The following GABRB1 variants were observed in gnomAD, a reference collection of about 807,000 sequenced individuals.
GABRB1 encodes gamma-aminobutyric acid type A receptor subunit beta1, also known as gamma-aminobutyric acid receptor subunit beta-1.
Under a neutral mutation model 51.6 loss-of-function variants are expected in GABRB1, and 17 were observed. That is an observed-to-expected ratio of 0.33 (90% CI 0.23 to 0.49). The LOEUF is 0.49. GABRB1 is among the 20% of genes least tolerant of loss of function. The pLI is 0.99. For synonymous variants in GABRB1, 247 were observed against 218.9 expected (o/e 1.13, Z -1.14); for missense variants, 410 against 600.6 (o/e 0.68, Z 3.32).
chr4:47,104,291 AT>A (rs1337090435), intron 3 of GABRB1, among the ~76,000 whole-genome samples: 1 of 151,614 alleles, frequency 6.6e-6, no homozygotes. Context: ...TCTGAATGTA[AT>A]TTTTTATTTG....
intron 4 of GABRB1, among the ~76,000 whole-genome samples, chr4:47,204,338 A>G (rs148485963): frequency 1.5e-3 from 232 of 152,270 alleles, no homozygotes; most frequent in South Asian, 3.5e-3. Flanking sequence ...AATTGGACAA[A>G]TGTTTTAACA....
intron 5 of GABRB1, among the ~76,000 whole-genome samples, chr4:47,361,478 C>T (rs778576268): frequency 2.8e-4 from 43 of 152,046 alleles, no homozygotes; most frequent in Admixed American, 6.6e-4. Flanking sequence ...GTAGAAGAGA[C>T]GGAGCAAAAT....
At chr4:46,995,260 TG>T (rs1404713519) in intron 1 of GABRB1, among the ~76,000 whole-genome samples, 1 of 152,220 alleles carries the variant, frequency 6.6e-6, no homozygotes, top group Non-Finnish European at 1.5e-5. Context: ...CTCTCTCGTT[TG>T]GGAAAAATAG....
rs971241280 is a variant in GABRB1 at position 47,333,719 on chromosome 4, AC to A, written c.544+13517del. ...AACCAGTGTGAAACATCATCACCCC[AC>A]CCCCCCAAAAAAAAGAATAGCTTGT... On this transcript the variant is annotated intron_variant, in intron 5 of 8. Coordinates refer to ENST00000295454, the MANE Select transcript of GABRB1 (RefSeq NM_000812.4). 1.1e-3 allele frequency among the ~76,000 whole-genome samples: 170 copies of A among 151,772 alleles called. 2 individuals carry two copies. Among genetic ancestry groups the A allele is most frequent in the Admixed American group, 3.3e-3 (50 of 15,210 alleles).
intron 5 of GABRB1, among the ~76,000 whole-genome samples, chr4:47,355,729 G>A (rs150497902): frequency 3.3e-5 from 5 of 152,158 alleles, no homozygotes; most frequent in Admixed American, 6.5e-5. Context: ...CACCATTAGC[G>A]CAGATATATC....
At chr4:47,189,585 T>C (rs932731515) in intron 4 of GABRB1, among the ~76,000 whole-genome samples, 5 of 151,896 alleles carry the variant, frequency 3.3e-5, no homozygotes, top group African/African-American at 1.2e-4. Context: ...TATTCTATCC[T>C]TATTGAGGGC....
At chr4:47,149,794 T>C (rs76606566) in intron 3 of GABRB1, among the ~76,000 whole-genome samples, 176 of 152,184 alleles carry the variant, frequency 1.2e-3, no homozygotes, top group African/African-American at 3.9e-3. Context: ...AAGACATTTC[T>C]AGAGTTTTCT....
intron 3 of GABRB1, among the ~76,000 whole-genome samples, chr4:47,054,233 C>A (rs1726489218): frequency 6.6e-6 from 1 of 151,938 alleles, no homozygotes; most frequent in African/African-American, 2.4e-5. Flanking sequence ...CAGGCAGAAC[C>A]TTGAACACTC....
intron 4 of GABRB1, among the ~76,000 whole-genome samples, chr4:47,171,290 T>A (rs1718425966): frequency 6.6e-6 from 1 of 150,874 alleles, no homozygotes; most frequent in African/African-American, 2.4e-5. Flanking sequence ...AGAAAAGACT[T>A]AGATAAAGAA....
chr4:47,271,043 A>G (rs1722856647), intron 4 of GABRB1, among the ~76,000 whole-genome samples: 1 of 152,196 alleles, frequency 6.6e-6, no homozygotes, highest in Non-Finnish European at 1.5e-5. Flanking sequence ...AAGGCAATCA[A>G]GTTGAAAATA....
chr4:47,068,076 A>T (rs1051071218), intron 3 of GABRB1, among the ~76,000 whole-genome samples: 2 of 152,170 alleles, frequency 1.3e-5, no homozygotes, highest in Non-Finnish European at 2.9e-5. Context: ...TTATGGCTGT[A>T]TAGTATTCTG....
chr4:47,251,706 G>T (rs1299612179), intron 4 of GABRB1, among the ~76,000 whole-genome samples: 1 of 152,116 alleles, frequency 6.6e-6, no homozygotes, highest in Non-Finnish European at 1.5e-5. Flanking sequence ...CCAGGTCAAT[G>T]GAGTTGTGTA....
chr4:47,264,991 C>G (rs546279038), intron 4 of GABRB1, among the ~76,000 whole-genome samples: 6 of 152,186 alleles, frequency 3.9e-5, no homozygotes, highest in African/African-American at 1.4e-4. Flanking sequence ...TTCTAAAATG[C>G]CTAAAATAAG....
intron 3 of GABRB1, among the ~76,000 whole-genome samples, chr4:47,107,134 A>G (rs1715002917): frequency 6.6e-6 from 1 of 152,154 alleles, no homozygotes; most frequent in South Asian, 2.1e-4. Flanking sequence ...TTTTCAAGGC[A>G]GCCATTGAAT....
chr4:47,170,082 T>G lies in GABRB1; in HGVS notation c.461+8613T>G, dbSNP rs897359662. Among the ~76,000 whole-genome samples the G allele has an allele frequency of 5.9e-5, 9 of 152,320 alleles. No homozygotes were observed. The South Asian group carries it at 1.9e-3, about 32-fold the overall frequency. On this transcript the variant is annotated intron_variant, in intron 4 of 8. Transcript: ENST00000295454. Reference sequence around the variant, plus strand: ...TCTAAATTACAAAGAGAAGCCATTCTGCTTCAGATTTTGGAAATGAGTCTA... The same window carrying G: ...TCTAAATTACAAAGAGAAGCCATTCGGCTTCAGATTTTGGAAATGAGTCTA...
intron 3 of GABRB1, among the ~76,000 whole-genome samples, chr4:47,059,662 C>A (rs1337015675): frequency 6.6e-6 from 1 of 152,180 alleles, no homozygotes; most frequent in Non-Finnish European, 1.5e-5. Context: ...TAAGTAAAAT[C>A]TGCAGTATGC....
At chr4:47,028,638 A>T (rs77592435), upstream of GABRB1, among the ~76,000 whole-genome samples, 1,397 of 151,578 alleles carry the variant, frequency 9.2e-3, 18 homozygotes, top group African/African-American at 0.031. Context: ...GCTAATTGGA[A>T]TGAAATTTTT....
At chr4:47,175,692 A>G (rs1334285813) in intron 4 of GABRB1, among the ~76,000 whole-genome samples, 2 of 152,182 alleles carry the variant, frequency 1.3e-5, no homozygotes, top group East Asian at 1.9e-4. Flanking sequence ...GTGCATTGAG[A>G]TATGAGAAAT....
At chr4:47,197,015 G>A (rs1232517902) in intron 4 of GABRB1, among the ~76,000 whole-genome samples, 1 of 152,218 alleles carries the variant, frequency 6.6e-6, no homozygotes, top group African/African-American at 2.4e-5. Context: ...AGAGGAGTAA[G>A]TAACTTGTGT....
Sources: gnomAD v4.1 joint callset for allele counts (sites outside exome capture counted in the v4.1 genomes callset) on GRCh38, gnomAD v4.1.1 for gene constraint, MANE v1.5 for transcripts, NCBI Gene and HGNC (gene_info 2026-07-23, HGNC 2026-07-21) for gene names.